The following RPGRIP1L variants were observed in gnomAD, a reference collection of about 807,000 sequenced individuals.
The protein encoded by RPGRIP1L is RPGRIP1 like.
Under a neutral mutation model 160.4 loss-of-function variants are expected in RPGRIP1L, and 131 were observed. The observed-to-expected ratio is 0.82, with a 90% confidence interval of 0.71 to 0.94. The LOEUF is 0.94. Among genes scored for constraint, RPGRIP1L ranks in the 40% least tolerant of loss-of-function variants. RPGRIP1L has a pLI of 0.00. For synonymous variants in RPGRIP1L, 510 were observed against 515.8 expected (o/e 0.99, Z 0.15); for missense variants, 1,522 against 1,535.8 (o/e 0.99, Z 0.15).
intron 11 of RPGRIP1L, 77 bp downstream of exon 11, chr16:53,658,695 G>T: frequency 1.0e-6 from 1 of 999,804 alleles, no homozygotes; most frequent in Non-Finnish European, 1.5e-6. Flanking sequence ...TCGCTTTGTA[G>T]TATAGTGCTT....
chr16:53,638,222 G>A, intron 20 of RPGRIP1L, 88 bp downstream of exon 20: 1 of 823,012 alleles, frequency 1.2e-6, no homozygotes, highest in Non-Finnish European at 2.1e-6. Flanking sequence ...GAAATGCTAT[G>A]ACTTCCTGAG....
chr16:53,637,987 A>T (rs1049233423), intron 20 of RPGRIP1L, 133 bp from the exon 21 acceptor site: 2 of 842,012 alleles, frequency 2.4e-6, no homozygotes, highest in South Asian at 3.0e-5. Flanking sequence ...TATGTATGAG[A>T]CTCAGAAAAC....
rs527742655 is a variant in RPGRIP1L at position 53,618,676 on chromosome 16, T to C, written c.3616+349A>G. Reference sequence around the variant, plus strand: ...CTCCTGCCTCAGCCTCCTGAGTAGCTGGGACTACAGGAGCGCAACACCATG... The same window carrying C: ...CTCCTGCCTCAGCCTCCTGAGTAGCCGGGACTACAGGAGCGCAACACCATG... On this transcript the variant is annotated intron_variant, in intron 24 of 26. Transcript: ENST00000647211. Among the ~76,000 whole-genome samples the C allele has an allele frequency of 8.5e-5, 13 of 152,282 alleles. No individual in the cohort carries two copies. The South Asian group carries it at 2.5e-3, about 29-fold the overall frequency.
At chr16:53,695,567 G>GA in intron 3 of RPGRIP1L, 1 of 607,202 alleles carries the variant, frequency 1.6e-6, no homozygotes, top group Non-Finnish European at 2.9e-6. Flanking sequence ...GAATAAAAAA[G>GA]AATGAAAGAG....
At chr16:53,677,732 A>G (rs1024063257) in intron 6 of RPGRIP1L, among the ~76,000 whole-genome samples, 2 of 152,224 alleles carry the variant, frequency 1.3e-5, no homozygotes. Context: ...TAGGGTGTTT[A>G]GCTAAGTGAC....
intron 4 of RPGRIP1L, among the ~76,000 whole-genome samples, chr16:53,691,314 T>A (rs1970370165): frequency 6.6e-6 from 1 of 152,182 alleles, no homozygotes; most frequent in South Asian, 2.1e-4. Flanking sequence ...TAATAAAGTT[T>A]CTCTGTGGGT....
intron 26 of RPGRIP1L, 60 bp from the exon 27 acceptor site, chr16:53,602,248 C>T (rs1646516198): frequency 3.5e-6 from 4 of 1,127,098 alleles, no homozygotes. Context: ...TTTGGAAAGG[C>T]TCGCAGACAG....
intron 9 of RPGRIP1L, among the ~76,000 whole-genome samples, chr16:53,669,638 A>C (rs1363060760): frequency 6.6e-6 from 1 of 152,114 alleles, no homozygotes; most frequent in Non-Finnish European, 1.5e-5. Flanking sequence ...GCAAATTTTC[A>C]AACTGGGGAG....
intron 2 of RPGRIP1L, among the ~76,000 whole-genome samples, chr16:53,697,741 G>A (rs1048057611): frequency 6.6e-6 from 1 of 152,054 alleles, no homozygotes; most frequent in African/African-American, 2.4e-5. Flanking sequence ...GCCTGCCTTG[G>A]CCTCCCAAAG....
At position 53,675,017 on chromosome 16, in the gene RPGRIP1L, C is replaced by A; in HGVS notation, c.882G>T (p.Glu294Asp). 6.4e-7 allele frequency: 1 copy of A among 1,569,958 alleles called. No individual in the cohort carries two copies. The highest frequency in any genetic ancestry group is 2.2e-5 in the East Asian group (1 of 44,472). Residue 294 changes from glutamate (E) to aspartate (D), a missense_variant and splice_region_variant, in exon 7 of 27, where the codon GAG becomes GAT. Physicochemically the swap from Glu to Asp is conservative, Grantham distance 45. Coordinates refer to ENST00000647211, the MANE Select transcript of RPGRIP1L (RefSeq NM_015272.5). The stretch of plus-strand genomic sequence containing the variant: ...GTAATAAAATAAATTATCACTGTAC[C>A]TCTTGAAGCTGAATAAATTTTCCTT... ...AMEGKFIQLQ[E>D]KQRTLRISHD...
At chr16:53,658,513 C>A in intron 11 of RPGRIP1L, 49 bp from the exon 12 acceptor site, 1 of 1,374,206 alleles carries the variant, frequency 7.3e-7, no homozygotes, top group Middle Eastern at 1.9e-4. Flanking sequence ...ATGGAAAATA[C>A]AAGAGACATT....
rs369229139 is a variant in RPGRIP1L, at chr16:53,622,575, A to C, written c.3295-219T>G. 9.9e-5 allele frequency among the ~76,000 whole-genome samples: 15 copies of C among 151,680 alleles called. No homozygotes were observed. The East Asian group carries it at 2.0e-3, about 20-fold the overall frequency. On this transcript the variant is annotated intron_variant, in intron 22 of 26. Transcript: ENST00000647211. Reference sequence around the variant, plus strand: ...GCATCCTTGCCTTTCCATTTTTTTCACACCCACTATATCCTAAAGGTCACC... The same window carrying C: ...GCATCCTTGCCTTTCCATTTTTTTCCCACCCACTATATCCTAAAGGTCACC...
At chr16:53,623,537 T>C (rs1964877638) in intron 22 of RPGRIP1L, among the ~76,000 whole-genome samples, 1 of 152,326 alleles carries the variant, frequency 6.6e-6, no homozygotes, top group East Asian at 1.9e-4. Context: ...TTTAAACTCA[T>C]GGTGTGCTGT....
chr16:53,701,271 G>T (rs1165238413), intron 1 of RPGRIP1L, among the ~76,000 whole-genome samples: 1 of 152,066 alleles, frequency 6.6e-6, no homozygotes, highest in African/African-American at 2.4e-5. Context: ...GTACAAATGA[G>T]TGGGCAGTTC....
chr16:53,693,341 T>C (rs1970513534), intron 3 of RPGRIP1L: 1 of 152,266 alleles, frequency 6.6e-6, no homozygotes, highest in Non-Finnish European at 1.5e-5. Flanking sequence ...TGCTTTATTT[T>C]AGCGTGGTTA....
At chr16:53,691,916 A>T in intron 4 of RPGRIP1L, 150 bp downstream of exon 4, 1 of 738,506 alleles carries the variant, frequency 1.4e-6, no homozygotes. Context: ...ATCTTCACTG[A>T]CAATATTATT....
intron 21 of RPGRIP1L, among the ~76,000 whole-genome samples, chr16:53,637,055 G>C (rs537398155): frequency 6.6e-6 from 1 of 151,808 alleles, no homozygotes; most frequent in East Asian, 1.9e-4. Flanking sequence ...GCTATTCACA[G>C]GCACCATCAT....
Position 53,667,789 on chromosome 16 carries a change from CT to C in RPGRIP1L, c.1104-2781del, listed in dbSNP as rs1260200173. On this transcript the variant is annotated intron_variant, in intron 9 of 26. Transcript: ENST00000647211. Reference sequence around the variant, plus strand: ...TCAGGAGGCTGAGACAGAAGAATCGCTTGAACCTGGGAGGCAGGGGTTGCAG... The same window carrying C: ...TCAGGAGGCTGAGACAGAAGAATCGCTGAACCTGGGAGGCAGGGGTTGCAG... Among the ~76,000 whole-genome samples, 4 of 152,070 alleles carry C rather than the reference CT, an allele frequency of 2.6e-5. No individual in the cohort carries two copies. The East Asian group carries it at 7.7e-4, about 29-fold the overall frequency.
At chr16:53,669,069 A>G (rs979584157) in intron 9 of RPGRIP1L, among the ~76,000 whole-genome samples, 1 of 152,214 alleles carries the variant, frequency 6.6e-6, no homozygotes, top group Admixed American at 6.5e-5. Context: ...ACATGTTATC[A>G]TTATGACTAA....
Sources: allele counts gnomAD v4.1 joint callset (sites outside exome capture counted in the v4.1 genomes callset), GRCh38; gene constraint gnomAD v4.1.1; transcripts MANE v1.5; gene names NCBI Gene and HGNC (gene_info 2026-07-23, HGNC 2026-07-21).